EYS: variants seen among roughly 807,000 people sequenced by gnomAD.
EYS encodes EGF-like photoreceptor maintenance factor.
A neutral mutation model predicts 282.1 loss-of-function variants in EYS; 250 were observed. The observed-to-expected ratio is 0.89, with a 90% CI of 0.80 to 0.98. The LOEUF (loss-of-function observed/expected upper bound fraction) is 0.98. EYS is among the 50% of genes least tolerant of loss of function. The pLI, the probability that EYS is intolerant of heterozygous loss-of-function variation, is 0.00. For synonymous variants in EYS, 1,355 were observed against 1,282.9 expected, an observed-to-expected ratio of 1.06 and a Z score of -1.20; for missense variants, 4,016 against 3,709.0, an observed-to-expected ratio of 1.08 and a Z score of -2.15.
intron 12 of EYS, among the ~76,000 whole-genome samples, chr6:65,196,137 C>T (rs1313694964): frequency 6.6e-6 from 1 of 151,846 alleles, no homozygotes; most frequent in Non-Finnish European, 1.5e-5. Context: ...TGTCAGTTTG[C>T]CATAATTTTG....
chr6:64,448,590 A>G (rs1156749165), intron 26 of EYS, among the ~76,000 whole-genome samples: 4 of 152,176 alleles, frequency 2.6e-5, no homozygotes, highest in Non-Finnish European at 4.4e-5. Context: ...AAGTAGCCTA[A>G]CTGGGAGGCA....
At chr6:65,559,902 A>G (rs1768971877) in intron 2 of EYS, among the ~76,000 whole-genome samples, 1 of 151,616 alleles carries the variant, frequency 6.6e-6, no homozygotes, top group Admixed American at 6.6e-5. Context: ...TTTGAATTTT[A>G]AAAATTAGTT....
chr6:64,199,310 C>A (rs1434167165), intron 31 of EYS, among the ~76,000 whole-genome samples: 2 of 152,102 alleles, frequency 1.3e-5, no homozygotes, highest in Non-Finnish European at 2.9e-5. Flanking sequence ...TTTGACAAAC[C>A]TGATAAGAAC....
At chr6:64,371,427 C>T (rs1317549476) in intron 29 of EYS, among the ~76,000 whole-genome samples, 11 of 150,760 alleles carry the variant, frequency 7.3e-5, no homozygotes, top group Admixed American at 4.6e-4. Flanking sequence ...TTGTTTTATG[C>T]CTGATTGTGT....
intron 34 of EYS, among the ~76,000 whole-genome samples, chr6:63,986,943 C>CAA (rs67327695): frequency 4.1e-4 from 62 of 150,654 alleles, no homozygotes; most frequent in African/African-American, 1.3e-3. Context: ...AGTTAAAAAA[C>CAA]AAAAAAAAGA....
At chr6:65,658,059 G>T (rs1361915379) in intron 1 of EYS, among the ~76,000 whole-genome samples, 2 of 151,692 alleles carry the variant, frequency 1.3e-5, no homozygotes, top group Non-Finnish European at 3.0e-5. Flanking sequence ...TAATGTTATT[G>T]CACACTTAAT....
chr6:64,569,886 T>C lies in EYS; in HGVS notation c.5644+20337A>G, dbSNP rs182937134. Among the ~76,000 whole-genome samples the C allele has an allele frequency of 5.8e-3, 888 of 152,262 alleles. 9 individuals are homozygous for C. Among genetic ancestry groups the C allele is most frequent in the African/African-American group, 0.021 (852 of 41,550 alleles). On this transcript the variant is annotated intron_variant, in intron 26 of 42. Transcript: ENST00000503581. ...ATGGAAAACACTCTTCGGGATATTA[T>C]CCAGAACTTCCCCTGGCAAGACAGT...
At chr6:65,268,425 T>C (rs1025042492) in intron 12 of EYS, among the ~76,000 whole-genome samples, 3 of 152,046 alleles carry the variant, frequency 2.0e-5, no homozygotes, top group Non-Finnish European at 4.4e-5. Flanking sequence ...TAAACAATAG[T>C]TATGATGTTT....
chr6:64,847,874 A>T (rs1444512201), intron 19 of EYS, among the ~76,000 whole-genome samples: 1 of 152,042 alleles, frequency 6.6e-6, no homozygotes, highest in Non-Finnish European at 1.5e-5. Flanking sequence ...CCCTAATTAC[A>T]TCTATCAATG....
intron 2 of EYS, among the ~76,000 whole-genome samples, chr6:65,629,808 C>T (rs1582541902): frequency 6.6e-6 from 1 of 152,196 alleles, no homozygotes; most frequent in South Asian, 2.1e-4. Flanking sequence ...GGCAATGAAC[C>T]TTTTGAGGCT....
intron 30 of EYS, among the ~76,000 whole-genome samples, chr6:64,238,116 A>C (rs1218673199): frequency 6.6e-6 from 1 of 152,170 alleles, no homozygotes; most frequent in African/African-American, 2.4e-5. Context: ...TCTTGTTTTC[A>C]TATTTTCCTA....
At chr6:64,624,259 T>C (rs559449380) in intron 23 of EYS, among the ~76,000 whole-genome samples, 1 of 152,268 alleles carries the variant, frequency 6.6e-6, no homozygotes, top group Non-Finnish European at 1.5e-5. Flanking sequence ...GGAATCAACC[T>C]ACAGCAACAA....
chr6:65,544,500 A>C (rs1768309989), intron 2 of EYS, among the ~76,000 whole-genome samples: 1 of 151,988 alleles, frequency 6.6e-6, no homozygotes, highest in African/African-American at 2.4e-5. Context: ...TGGTTTTATA[A>C]GGGCTTTCCC....
In EYS at chr6:65,594,394, T is replaced by A. The variant is rs140566402; in HGVS notation, c.-333+45384A>T. 2.1e-3 allele frequency among the ~76,000 whole-genome samples: 319 copies of A among 152,168 alleles called. 1 individual carries two copies. Among genetic ancestry groups the A allele is most frequent in the African/African-American group, 7.2e-3 (300 of 41,536 alleles). On this transcript the variant is annotated intron_variant, in intron 2 of 42. Transcript: ENST00000503581. ...ATCCTGTACAGGATTTAATAATAGT[T>A]TTCTCAAACAGTAGTAAACTATTAT...
intron 2 of EYS, among the ~76,000 whole-genome samples, chr6:65,549,203 T>C (rs1023303374): frequency 1.3e-5 from 2 of 152,194 alleles, no homozygotes; most frequent in Non-Finnish European, 2.9e-5. Context: ...GTAGCAGATA[T>C]TCCTGGACTA....
At chr6:64,867,501 A>G (rs1013839910) in intron 19 of EYS, among the ~76,000 whole-genome samples, 4 of 151,700 alleles carry the variant, frequency 2.6e-5, no homozygotes, top group African/African-American at 4.8e-5. Context: ...AGGTGATCCT[A>G]TGACACATAG....
intron 9 of EYS, among the ~76,000 whole-genome samples, chr6:65,346,618 T>C (rs1770405402): frequency 6.6e-6 from 1 of 151,474 alleles, no homozygotes; most frequent in African/African-American, 2.4e-5. Context: ...ATTTAGGAGA[T>C]GTGATACCCA....
rs562790300 is a variant in EYS, at chr6:64,769,522, G to T, written c.3443+43856C>A. 5.3e-5 allele frequency among the ~76,000 whole-genome samples: 8 copies of T among 152,006 alleles called. No homozygotes were observed. The East Asian group carries it at 1.4e-3, about 26-fold the overall frequency. Reference sequence around the variant, plus strand: ...CTAGCTCACGAGCAGTACAAAAATGGGTGTCCAGATGGATTTGGCCTACAT... The same window carrying T: ...CTAGCTCACGAGCAGTACAAAAATGTGTGTCCAGATGGATTTGGCCTACAT... On this transcript the variant is annotated intron_variant, in intron 22 of 42. Transcript: ENST00000503581.
intron 31 of EYS, among the ~76,000 whole-genome samples, chr6:64,142,867 AG>A (rs1281773703): frequency 6.6e-6 from 1 of 152,158 alleles, no homozygotes; most frequent in Non-Finnish European, 1.5e-5. Flanking sequence ...GAGGTAAGAG[AG>A]GGAAGAAATC....
Sources: allele counts gnomAD v4.1 joint callset (sites outside exome capture counted in the v4.1 genomes callset), GRCh38; gene constraint gnomAD v4.1.1; transcripts MANE v1.5; gene names NCBI Gene and HGNC (gene_info 2026-07-23, HGNC 2026-07-21).